The following ROBO1 variants were observed in gnomAD, a reference collection of about 807,000 sequenced individuals.
ROBO1 encodes the protein roundabout homolog 1.
A neutral mutation model predicts 195.9 loss-of-function variants in ROBO1; 149 were observed. That is an observed-to-expected ratio of 0.76 (90% CI 0.67 to 0.87). ROBO1 has a LOEUF of 0.87. Ranked by LOEUF, ROBO1 falls within the 40% of genes least tolerant of loss-of-function variation. The probability of loss-of-function intolerance (pLI) is 0.00; values close to 1 mark genes in which losing one functional copy is unlikely to be tolerated. For synonymous variants in ROBO1, 816 were observed against 733.2 expected, an observed-to-expected ratio of 1.11 and a Z score of -1.82; for missense variants, 1,933 against 2,068.3, an observed-to-expected ratio of 0.93 and a Z score of 1.27.
intron 1 of ROBO1, among the ~76,000 whole-genome samples, chr3:79,711,079 AC>A (rs372890672): frequency 1.6e-4 from 25 of 152,150 alleles, no homozygotes; most frequent in African/African-American, 5.5e-4. Flanking sequence ...AAGTTGAAAA[AC>A]CATAACGAAT....
intron 5 of ROBO1, among the ~76,000 whole-genome samples, chr3:78,744,921 C>T (rs1431818411): frequency 6.6e-6 from 1 of 152,078 alleles, no homozygotes; most frequent in Admixed American, 6.6e-5. Context: ...GTATATTACA[C>T]TTATTTATTT....
chr3:79,639,961 A>G (rs1411775838), intron 1 of ROBO1, among the ~76,000 whole-genome samples: 1 of 152,194 alleles, frequency 6.6e-6, no homozygotes, highest in East Asian at 1.9e-4. Context: ...TAAGAGTTAA[A>G]ATAGATTTTT....
chr3:78,606,486 C>G (rs1304089475), intron 29 of ROBO1, among the ~76,000 whole-genome samples: 1 of 152,192 alleles, frequency 6.6e-6, no homozygotes, highest in Non-Finnish European at 1.5e-5. Context: ...CCTTCTCCCT[C>G]TTTAACCTGT....
At chr3:78,788,438 TTTAAAAAAAAAAAA>T in intron 4 of ROBO1, among the ~76,000 whole-genome samples, 1 of 134,564 alleles carries the variant, frequency 7.4e-6, no homozygotes, top group East Asian at 2.1e-4. Context: ...TTTTTTTTTT[TTTAAAAAAAAAAAA>T]AAAAAAAAAA....
intron 3 of ROBO1, among the ~76,000 whole-genome samples, chr3:79,107,106 TTCTCTC>T (rs1162609873): frequency 3.2e-5 from 4 of 125,316 alleles, no homozygotes; most frequent in East Asian, 2.3e-4. Context: ...ACCTCTCTCT[TTCTCTC>T]TCTCTCTCTC....
chr3:78,816,194 A>G (rs1016728654), intron 4 of ROBO1, among the ~76,000 whole-genome samples: 3 of 152,190 alleles, frequency 2.0e-5, no homozygotes, highest in Admixed American at 6.5e-5. Flanking sequence ...TCCTAGGGAC[A>G]TTATGAATTA....
At chr3:79,325,004 G>T (rs1020607603) in intron 2 of ROBO1, among the ~76,000 whole-genome samples, 4 of 152,158 alleles carry the variant, frequency 2.6e-5, no homozygotes, top group Admixed American at 1.3e-4. Context: ...ATAGTGGAAG[G>T]ATTGAGAACC....
At chr3:79,589,479 G>A (rs1307230521) in intron 2 of ROBO1, among the ~76,000 whole-genome samples, 1 of 151,628 alleles carries the variant, frequency 6.6e-6, no homozygotes, top group Non-Finnish European at 1.5e-5. Flanking sequence ...GACATGCACT[G>A]TGGCTTAGGT....
intron 4 of ROBO1, among the ~76,000 whole-genome samples, chr3:78,806,575 T>C (rs754571969): frequency 3.0e-4 from 45 of 152,188 alleles, no homozygotes; most frequent in Non-Finnish European, 5.0e-4. Flanking sequence ...TAGGGCCAGA[T>C]GAAGTAACAC....
intron 1 of ROBO1, among the ~76,000 whole-genome samples, chr3:79,669,672 A>G (rs1946576324): frequency 6.6e-6 from 1 of 151,862 alleles, no homozygotes. Flanking sequence ...CTCAGAATAT[A>G]TCTCCATCTG....
At chr3:78,688,964 T>C (rs540057365) in intron 8 of ROBO1, among the ~76,000 whole-genome samples, 192 bp from the exon 9 acceptor site, 186 of 152,358 alleles carry the variant, frequency 1.2e-3, no homozygotes, top group African/African-American at 4.2e-3. Context: ...GAAATAGAGT[T>C]GTTATATGAA....
chr3:79,460,326 T>C (rs1293866374), intron 2 of ROBO1, among the ~76,000 whole-genome samples: 1 of 152,218 alleles, frequency 6.6e-6, no homozygotes, highest in Middle Eastern at 3.2e-3. Flanking sequence ...ATGTAACATG[T>C]GGCCCAATTT....
At chr3:79,523,477 T>C (rs1341996922) in intron 2 of ROBO1, among the ~76,000 whole-genome samples, 6 of 147,990 alleles carry the variant, frequency 4.1e-5, no homozygotes, top group Non-Finnish European at 7.5e-5. Context: ...TTTTTCTTTT[T>C]TTTTTTTTTT....
intron 2 of ROBO1, among the ~76,000 whole-genome samples, chr3:79,283,973 A>G (rs923858083): frequency 6.6e-6 from 1 of 152,080 alleles, no homozygotes; most frequent in Non-Finnish European, 1.5e-5. Context: ...CTGGGATTAC[A>G]GGCGTGAGCC....
At chr3:79,726,719 A>G (rs915834816) in intron 1 of ROBO1, among the ~76,000 whole-genome samples, 3 of 152,194 alleles carry the variant, frequency 2.0e-5, no homozygotes, top group African/African-American at 7.2e-5. Context: ...TAAGCCAAAT[A>G]CATTTGTACC....
intron 4 of ROBO1, among the ~76,000 whole-genome samples, chr3:78,845,452 G>C (rs2033597060): frequency 6.6e-6 from 1 of 151,994 alleles, no homozygotes; most frequent in African/African-American, 2.4e-5. Context: ...GTAGCTTACA[G>C]TATATTTCTC....
At chr3:78,623,303 A>G (rs760633574) in intron 26 of ROBO1, among the ~76,000 whole-genome samples, 5 of 152,194 alleles carry the variant, frequency 3.3e-5, no homozygotes, top group Non-Finnish European at 7.3e-5. Flanking sequence ...GATCTAAAGG[A>G]TACATAGGTG....
intron 3 of ROBO1, among the ~76,000 whole-genome samples, chr3:79,077,085 T>A (rs1576645747): frequency 6.6e-6 from 1 of 151,996 alleles, no homozygotes; most frequent in East Asian, 1.9e-4. Context: ...ATTACCACAG[T>A]CAAATTAATC....
chr3:78,957,242 T>C (rs866766817), intron 3 of ROBO1, among the ~76,000 whole-genome samples: 1 of 151,252 alleles, frequency 6.6e-6, no homozygotes, highest in Non-Finnish European at 1.5e-5. Flanking sequence ...ACTCGAAATA[T>C]ATGTACTAAA....
Sources: allele counts gnomAD v4.1 joint callset (sites outside exome capture counted in the v4.1 genomes callset), GRCh38; gene constraint gnomAD v4.1.1; transcripts MANE v1.5; gene names NCBI Gene and HGNC (gene_info 2026-07-23, HGNC 2026-07-21).